FAT4: variants seen among roughly 807,000 people sequenced by gnomAD.
FAT4 encodes the protein FAT atypical cadherin 4, also known as protocadherin Fat 4.
FAT4 carries 84 observed loss-of-function variants against 303.9 expected under a neutral mutation model. That is an observed-to-expected ratio of 0.28 (90% CI 0.23 to 0.33). The LOEUF is 0.33. FAT4 is among the 10% of genes least tolerant of loss of function. The pLI, the probability that FAT4 is intolerant of heterozygous loss-of-function variation, is 1.00. For missense variants in FAT4, 6,005 were observed against 6,146.8 expected, an observed-to-expected ratio of 0.98 and a Z score of 0.77; for synonymous variants, 2,307 against 2,298.8, an observed-to-expected ratio of 1.00 and a Z score of -0.10.
Position 125,490,616 on chromosome 4 carries a change from TC to T in FAT4, c.13802del (p.Pro4601LeufsTer19), listed in dbSNP as rs752883372. 6.2e-7 allele frequency: 1 copy of T among 1,614,008 alleles called. No individual in the cohort carries two copies. Among genetic ancestry groups the T allele is most frequent in the South Asian group, 1.1e-5 (1 of 91,076 alleles). On this transcript the variant is annotated frameshift_variant, in exon 18 of 18. Coordinates refer to ENST00000394329, the MANE Select transcript of FAT4 (RefSeq NM_001291303.3). LOFTEE classifies it high-confidence loss of function. ...ACCTTATCTATGATGAAACTGATATTCCTCACAACTCAGAAACCATCCCCAG... is the reference window on the plus strand; with the variant it reads ...ACCTTATCTATGATGAAACTGATATTCTCACAACTCAGAAACCATCCCCAG... ...PYLIYDETDIPHNSETIPSAP... is the reference protein window; with the variant it reads ...PYLIYDETDIXHNSETIPSAP...
At chr4:125,428,243 A>G (rs1725157632) in intron 7 of FAT4, among the ~76,000 whole-genome samples, 1 of 151,924 alleles carries the variant, frequency 6.6e-6, no homozygotes, top group Non-Finnish European at 1.5e-5. Context: ...GGTTGCAGTG[A>G]GCCGAGATCA....
chr4:125,487,105 C>G (rs1032839115), intron 16 of FAT4, among the ~76,000 whole-genome samples: 3 of 152,030 alleles, frequency 2.0e-5, no homozygotes, highest in African/African-American at 4.8e-5. Flanking sequence ...AATAATTCAT[C>G]AAGTTTTGAG....
At position 125,468,817 on chromosome 4, in the gene FAT4, A is replaced by G; in HGVS notation, c.12211A>G (p.Met4071Val). Residue 4071 changes from methionine to valine, a missense_variant and splice_region_variant, in exon 12 of 18, where the codon ATG becomes GTG. By Grantham distance (21) the Met-to-Val change is conservative. Transcript: ENST00000394329. Reference sequence around the variant, plus strand: ...CACTGTGATTGCCAGGAGAGCAGGAATGGTAAGATATTTCATTTTATTGTT... The same window carrying G: ...CACTGTGATTGCCAGGAGAGCAGGAGTGGTAAGATATTTCATTTTATTGTT... ...FHTVIARRAG[M>V]AASLTVDSCS... is the part of the protein sequence containing the mutation. The G allele has an allele frequency of 6.2e-7, 1 of 1,603,404 alleles. No homozygotes were observed. Among genetic ancestry groups the G allele is most frequent in the South Asian group, 1.1e-5 (1 of 90,190 alleles).
intron 3 of FAT4, among the ~76,000 whole-genome samples, chr4:125,401,690 A>C (rs2126015142): frequency 6.6e-6 from 1 of 152,064 alleles, no homozygotes; most frequent in South Asian, 2.1e-4. Context: ...TGTTGGATCA[A>C]GATTTACATG....
In FAT4 at chr4:125,385,825, A is replaced by T. The variant is rs181487501; in HGVS notation, c.5176-12959A>T. On this transcript the variant is annotated intron_variant, in intron 2 of 17. Coordinates refer to ENST00000394329, the MANE Select transcript of FAT4 (RefSeq NM_001291303.3). The stretch of plus-strand genomic sequence containing the variant: ...TCAGACTTCTTAAAAGTCAATTTTT[A>T]AAAAAAATTCAGCTTTTCGTCCAGC... 2.2e-3 allele frequency among the ~76,000 whole-genome samples: 334 copies of T among 152,198 alleles called. 2 individuals are homozygous for T. Among genetic ancestry groups the T allele is most frequent in the African/African-American group, 7.1e-3 (293 of 41,518 alleles).
At position 125,434,291 on chromosome 4, in the gene FAT4, T is replaced by C. The variant is rs1375235482; in HGVS notation, c.7065T>C (p.Asp2355=). 6.2e-7 allele frequency: 1 copy of C among 1,614,062 alleles called. No individual in the cohort carries two copies. The highest frequency in any genetic ancestry group is 2.2e-5 in the East Asian group (1 of 44,864). The change falls in exon 8 of 18, where the codon GAT becomes GAC. Residue 2355 remains aspartate, a synonymous_variant. Transcript: ENST00000394329. ...TGTGTINVIV[D]DVNDNVPTFA... ...CTGGAACAATCAACGTCATAGTAGA[T>C]GATGTCAATGACAATGTCCCCACAT...
Position 125,491,188 on chromosome 4 carries a change from T to C in FAT4, c.14372T>C (p.Ile4791Thr), listed in dbSNP as rs745434769. 14 of 1,613,936 alleles carry C rather than the reference T, an allele frequency of 8.7e-6. No individual in the cohort carries two copies. Among genetic ancestry groups the C allele is most frequent in the Non-Finnish European group, 1.2e-5 (14 of 1,180,032 alleles). Residue 4791 changes from isoleucine to threonine, a missense_variant, in exon 18 of 18, where the codon ATT becomes ACT. By Grantham distance (89) the Ile-to-Thr change is moderately conservative. Transcript: ENST00000394329. ...LESSPPVGLS[I>T]EEVERLNTPR... ...TCTTCTCCTCCAGTCGGACTTTCTA[T>C]TGAAGAAGTGGAGAGGCTCAACACA...
chr4:125,325,230 T>G (rs1731107727), intron 2 of FAT4, among the ~76,000 whole-genome samples: 1 of 152,198 alleles, frequency 6.6e-6, no homozygotes, highest in African/African-American at 2.4e-5. Context: ...TATCTCGCAT[T>G]CGTAATGATT....
chr4:125,456,056 T>G (rs1726266194), intron 10 of FAT4, among the ~76,000 whole-genome samples: 1 of 152,194 alleles, frequency 6.6e-6, no homozygotes, highest in African/African-American at 2.4e-5. Context: ...GCTTTGCTTT[T>G]ACCATTCAGA....
chr4:125,414,310 G>A (rs1343288488), intron 5 of FAT4, among the ~76,000 whole-genome samples: 2 of 152,034 alleles, frequency 1.3e-5, no homozygotes, highest in Admixed American at 1.3e-4. Flanking sequence ...AAAGTTTTAT[G>A]TATAATTTTA....
At chr4:125,426,265 T>G (rs1055300761) in intron 7 of FAT4, among the ~76,000 whole-genome samples, 5 of 152,138 alleles carry the variant, frequency 3.3e-5, no homozygotes, top group African/African-American at 4.8e-5. Context: ...TAGAAAAGTT[T>G]GCCTTGTCTG....
chr4:125,404,470 T>A (rs1734510003), intron 3 of FAT4, among the ~76,000 whole-genome samples: 1 of 152,176 alleles, frequency 6.6e-6, no homozygotes, highest in Non-Finnish European at 1.5e-5. Context: ...TATATTAAAA[T>A]TGTCCACTCT....
chr4:125,324,992 G>T (rs1429197482), intron 2 of FAT4, among the ~76,000 whole-genome samples: 2 of 151,860 alleles, frequency 1.3e-5, no homozygotes, highest in East Asian at 3.9e-4. Context: ...ATAGAATACA[G>T]CTGGATTCTC....
intron 7 of FAT4, among the ~76,000 whole-genome samples, chr4:125,420,960 T>C (rs1724849804): frequency 6.6e-6 from 1 of 152,222 alleles, no homozygotes; most frequent in African/African-American, 2.4e-5. Flanking sequence ...AGAGGGAGTC[T>C]CACTCTGTTG....
intron 2 of FAT4, 39 bp from the exon 3 acceptor site, chr4:125,398,745 G>C (rs201345707): frequency 6.2e-7 from 1 of 1,607,878 alleles, no homozygotes; most frequent in East Asian, 2.2e-5. Context: ...TTGCAGACAC[G>C]TGGGAGTCAT....
At position 125,315,388 on chromosome 4, in the gene FAT4, T is replaced by G. The variant is rs985844673; in HGVS notation, c.-602T>G. Among the ~76,000 whole-genome samples, 15 of 151,888 alleles carry G rather than the reference T, an allele frequency of 9.9e-5. No homozygotes were observed. Among genetic ancestry groups the G allele is most frequent in the Admixed American group, 2.0e-4 (3 of 15,262 alleles). The stretch of plus-strand genomic sequence containing the variant: ...TGACACGGGACAATAAAAGCAGAGA[T>G]AGCGAGGGCAGGGGCGAGGCGCGCT... On this transcript the variant is annotated 5_prime_UTR_variant, in exon 1 of 18. Coordinates refer to ENST00000394329, the MANE Select transcript of FAT4 (RefSeq NM_001291303.3).
intron 2 of FAT4, among the ~76,000 whole-genome samples, chr4:125,361,759 T>A (rs1732681037): frequency 6.6e-6 from 1 of 152,140 alleles, no homozygotes; most frequent in Non-Finnish European, 1.5e-5. Flanking sequence ...AGTGGTCGTT[T>A]TATTACCTGC....
At chr4:125,483,052 T>G (rs1402118459) in intron 16 of FAT4, among the ~76,000 whole-genome samples, 1 of 152,136 alleles carries the variant, frequency 6.6e-6, no homozygotes, top group Admixed American at 6.5e-5. Flanking sequence ...ACAGTAGCAC[T>G]TCACAACAAA....
chr4:125,322,166 C>T (rs1396760748), intron 2 of FAT4, among the ~76,000 whole-genome samples: 1 of 152,052 alleles, frequency 6.6e-6, no homozygotes, highest in Non-Finnish European at 1.5e-5. Flanking sequence ...ATTTCATCTG[C>T]CTTAACATTT....
Sources: allele counts gnomAD v4.1 joint callset (sites outside exome capture counted in the v4.1 genomes callset), GRCh38; gene constraint gnomAD v4.1.1; transcripts MANE v1.5; gene names NCBI Gene and HGNC (gene_info 2026-07-23, HGNC 2026-07-21).